DPYD: variants seen among roughly 807,000 people sequenced by gnomAD.
The protein encoded by DPYD is dihydropyrimidine dehydrogenase [NADP(+)].
In DPYD, 109 loss-of-function variants were observed where a neutral mutation model predicts 116.2. The observed-to-expected ratio is 0.94, with a 90% confidence interval of 0.80 to 1.10. The LOEUF is 1.10. Ranked by LOEUF, DPYD falls within the 50% of genes least tolerant of loss-of-function variation. DPYD has a pLI of 0.00. For missense variants in DPYD, 1,302 were observed against 1,254.5 expected (o/e 1.04, Z -0.57); for synonymous variants, 440 against 432.0 (o/e 1.02, Z -0.23).
Position 97,207,607 on chromosome 1 carries a change from T to C in DPYD, c.2443-14359A>G, listed in dbSNP as rs534858052. Among the ~76,000 whole-genome samples, 4 of 152,260 alleles carry C rather than the reference T, an allele frequency of 2.6e-5. No individual in the cohort carries two copies. In the East Asian group the frequency reaches 7.7e-4, roughly 29 times the overall value. On this transcript the variant is annotated intron_variant, in intron 19 of 22. Transcript: ENST00000370192. Reference sequence around the variant, plus strand: ...GTATAATTAAGAACCCTATAAAAGATCTCATTTAACAATGACTGAATTCAC... The same window carrying C: ...GTATAATTAAGAACCCTATAAAAGACCTCATTTAACAATGACTGAATTCAC...
chr1:97,702,183 T>C (rs114403055), intron 5 of DPYD, among the ~76,000 whole-genome samples: 2,649 of 151,574 alleles, frequency 0.017, 41 homozygotes, highest in Non-Finnish European at 0.026. Context: ...AAAATATATT[T>C]TATATTTCCC....
chr1:97,744,989 T>C (rs1168162699), intron 3 of DPYD, among the ~76,000 whole-genome samples: 2 of 152,060 alleles, frequency 1.3e-5, no homozygotes. Context: ...ACTAACTCCA[T>C]GTTCTGATCC....
chr1:97,553,054 G>A (rs1398767122), intron 11 of DPYD, among the ~76,000 whole-genome samples: 1 of 151,896 alleles, frequency 6.6e-6, no homozygotes, highest in African/African-American at 2.4e-5. Flanking sequence ...GCTACAGTGG[G>A]TCAGAAATAT....
At chr1:97,539,186 T>G (rs1650238373) in intron 12 of DPYD, among the ~76,000 whole-genome samples, 1 of 152,136 alleles carries the variant, frequency 6.6e-6, no homozygotes, top group African/African-American at 2.4e-5. Context: ...CTATAACTAT[T>G]CAACGGCAAT....
At chr1:97,658,681 C>A (rs17117037) in intron 8 of DPYD, among the ~76,000 whole-genome samples, 2 of 152,128 alleles carry the variant, frequency 1.3e-5, no homozygotes, top group Non-Finnish European at 2.9e-5. Context: ...TCCACATGTC[C>A]AGTCTCATCA....
At chr1:97,373,466 T>G in intron 16 of DPYD, 95 bp downstream of exon 16, 1 of 1,044,134 alleles carries the variant, frequency 9.6e-7, no homozygotes, top group East Asian at 2.4e-5. Context: ...AGTCATCTGA[T>G]CCATGCATCT....
chr1:97,444,350 T>A lies in DPYD; in HGVS notation c.1905+5709A>T, dbSNP rs556339804. On this transcript the variant is annotated intron_variant, in intron 14 of 22. Coordinates refer to ENST00000370192, the MANE Select transcript of DPYD (RefSeq NM_000110.4). ...TCACTAGCTGTGTTACCCAAGACAG[T>A]CAATGCAATATCTCTAAATGTCAGT... Among the ~76,000 whole-genome samples, 32 of 152,244 alleles carry A rather than the reference T, an allele frequency of 2.1e-4. No homozygotes were observed. The East Asian group carries it at 4.6e-3, about 22-fold the overall frequency.
At chr1:97,833,025 A>G (rs1304104557) in intron 2 of DPYD, among the ~76,000 whole-genome samples, 2 of 151,908 alleles carry the variant, frequency 1.3e-5, no homozygotes, top group African/African-American at 2.4e-5. Flanking sequence ...CAGCTAGCAA[A>G]TTACATTATT....
chr1:97,100,758 A>T (rs1187579201), intron 20 of DPYD, among the ~76,000 whole-genome samples: 1 of 152,124 alleles, frequency 6.6e-6, no homozygotes, highest in Non-Finnish European at 1.5e-5. Flanking sequence ...TTAAATTTAA[A>T]CCATAATGAT....
chr1:97,539,162 T>C (rs3956688), intron 12 of DPYD, among the ~76,000 whole-genome samples: 13,569 of 152,188 alleles, frequency 0.089, 719 homozygotes, highest in South Asian at 0.1. Flanking sequence ...TGCTGGCTGC[T>C]AATAAACAAT....
intron 4 of DPYD, among the ~76,000 whole-genome samples, chr1:97,737,619 T>C (rs926710043): frequency 7.2e-5 from 11 of 152,106 alleles, no homozygotes; most frequent in Admixed American, 2.6e-4. Context: ...CATTCAGCCA[T>C]TGAAACTGAA....
chr1:97,251,114 T>C (rs1663054334), intron 18 of DPYD, among the ~76,000 whole-genome samples: 1 of 152,076 alleles, frequency 6.6e-6, no homozygotes, highest in East Asian at 1.9e-4. Flanking sequence ...AATGAATCTG[T>C]GGCAGGGCAC....
intron 19 of DPYD, among the ~76,000 whole-genome samples, chr1:97,225,956 C>A (rs894771874): frequency 5.3e-5 from 8 of 151,876 alleles, no homozygotes; most frequent in Non-Finnish European, 1.2e-4. Context: ...AAGTATAGGC[C>A]GTATCTCTGA....
intron 16 of DPYD, among the ~76,000 whole-genome samples, chr1:97,345,184 T>C (rs1669780282): frequency 6.6e-6 from 1 of 151,942 alleles, no homozygotes; most frequent in Non-Finnish European, 1.5e-5. Context: ...TGGCTAAAAA[T>C]ATTTTTTCCT....
chr1:97,142,366 A>C (rs1214565448), intron 20 of DPYD, among the ~76,000 whole-genome samples: 1 of 152,180 alleles, frequency 6.6e-6, no homozygotes, highest in Non-Finnish European at 1.5e-5. Context: ...GTAACATTAG[A>C]AAAGAAAAAG....
At chr1:97,784,732 A>G (rs530422546) in intron 3 of DPYD, among the ~76,000 whole-genome samples, 1 of 152,320 alleles carries the variant, frequency 6.6e-6, no homozygotes, top group African/African-American at 2.4e-5. Context: ...TGAGGGATGC[A>G]TATTACCAGA....
At chr1:97,671,944 T>C (rs1659889421) in intron 8 of DPYD, among the ~76,000 whole-genome samples, 1 of 148,520 alleles carries the variant, frequency 6.7e-6, no homozygotes, top group African/African-American at 2.5e-5. Context: ...TATTTATCTA[T>C]TATTTTTTTT....
chr1:97,285,935 T>G (rs965747564), intron 18 of DPYD, among the ~76,000 whole-genome samples: 1 of 152,204 alleles, frequency 6.6e-6, no homozygotes, highest in East Asian at 1.9e-4. Context: ...AAGTTAATAT[T>G]GTTATGTGTG....
chr1:97,151,505 T>C (rs539849559), intron 20 of DPYD, among the ~76,000 whole-genome samples: 1 of 152,012 alleles, frequency 6.6e-6, no homozygotes, highest in South Asian at 2.1e-4. Context: ...GAAATCCCCG[T>C]CTCTACTAAA....
Sources: gnomAD v4.1 joint callset for allele counts (sites outside exome capture counted in the v4.1 genomes callset) on GRCh38, gnomAD v4.1.1 for gene constraint, MANE v1.5 for transcripts, NCBI Gene and HGNC (gene_info 2026-07-23, HGNC 2026-07-21) for gene names.